PRXL2B: variants seen among roughly 807,000 people sequenced by gnomAD.
PRXL2B encodes the protein peroxiredoxin like 2B.
Under a neutral mutation model 24.4 loss-of-function variants are expected in PRXL2B, and 26 were observed. The ratio of observed to expected loss-of-function variants is 1.07; its 90% CI spans 0.78 to 1.48. PRXL2B has a LOEUF of 1.48. PRXL2B is among the 40% of genes most tolerant of loss of function. The pLI, the probability that PRXL2B is intolerant of heterozygous loss-of-function variation, is 0.00. For missense variants in PRXL2B, 269 were observed against 264.8 expected, an observed-to-expected ratio of 1.02 and a Z score of -0.11; for synonymous variants, 115 against 118.9, an observed-to-expected ratio of 0.97 and a Z score of 0.21.
chr1:2,587,277 G>A lies in PRXL2B; in HGVS notation c.250G>A (p.Gly84Ser), dbSNP rs1009264446. The A allele has an allele frequency of 4.5e-6, 7 of 1,572,228 alleles. No individual in the cohort carries two copies. The highest frequency in any genetic ancestry group is 6.0e-6 in the Non-Finnish European group (7 of 1,165,378). Residue 84 changes from glycine (G) to serine (S), a missense_variant, in exon 2 of 7, where the codon GGC becomes AGC. Gly to Ser is a moderately conservative substitution (Grantham distance 56). Transcript: ENST00000419916. This position sits in a 1 kb window ranked among gnomAD's most constrained non-coding sequence, Gnocchi z 6.1. ...EALGLQEFLDGDYFAGELYLD... is the reference protein window; with the variant it reads ...EALGLQEFLDSDYFAGELYLD... ...CCTGGGTCTGCAGGAGTTCCTGGAC[G>A]GCGACTACTTCGCGGGAGGTGCGTC...
chr1:2,587,882 C>G lies in PRXL2B; in HGVS notation c.320+90C>G. On this transcript the variant is annotated intron_variant, in intron 3 of 6. Transcript: ENST00000419916. The surrounding 1 kb of genome is among the most constrained non-coding windows in gnomAD (Gnocchi z 6.1). ...TGCCACCTCCTCTCCCTGCTGCCCTCTGTGGTGCTGTCCACTCGGGCCTTC... is the reference window on the plus strand; with the variant it reads ...TGCCACCTCCTCTCCCTGCTGCCCTGTGTGGTGCTGTCCACTCGGGCCTTC... 4 of 1,434,248 alleles carry G rather than the reference C, an allele frequency of 2.8e-6. No individual in the cohort carries two copies. Among genetic ancestry groups the G allele is most frequent in the Non-Finnish European group, 3.8e-6 (4 of 1,054,986 alleles). The allele number at this position is 1,434,248 out of a possible 1,614,324, so 88.8% of individuals were successfully genotyped here.
chr1:2,586,963 A>T lies in PRXL2B; in HGVS notation c.63+15A>T. ...TGACCGGGGAGGTGAGGCCGGGTGGACGCAGGGCGGTGGGCGCGTCCCTGG... is the reference window on the plus strand; with the variant it reads ...TGACCGGGGAGGTGAGGCCGGGTGGTCGCAGGGCGGTGGGCGCGTCCCTGG... On this transcript the variant is annotated intron_variant, in intron 1 of 6. Transcript: ENST00000419916. 1 of 1,274,458 alleles carries T rather than the reference A, an allele frequency of 7.8e-7. No homozygotes were observed. Among genetic ancestry groups the T allele is most frequent in the East Asian group, 3.5e-5 (1 of 28,406 alleles). 78.9% of individuals were successfully genotyped at this position (1,274,458 alleles called of 1,614,324 possible). A position where few individuals can be genotyped will look rare whatever the true frequency, so the allele number is the denominator to read the frequency against.
chr1:2,588,483 G>T (rs1193053664), intron 4 of PRXL2B, 30 bp downstream of exon 4: 1 of 1,613,866 alleles, frequency 6.2e-7, no homozygotes, highest in South Asian at 1.1e-5. Context: ...GTACAGGCCG[G>T]GGGGTGGTGG....
intron 3 of PRXL2B, 40 bp from the exon 4 acceptor site, chr1:2,588,350 C>G: frequency 6.2e-7 from 1 of 1,613,996 alleles, no homozygotes; most frequent in Non-Finnish European, 8.5e-7. Flanking sequence ...TGGACCCAGG[C>G]TTCTCCGGAG....
At chr1:2,588,683 G>A in intron 5 of PRXL2B, 58 bp downstream of exon 5, 1 of 1,574,258 alleles carries the variant, frequency 6.4e-7, no homozygotes, top group Non-Finnish European at 8.7e-7. Context: ...TGAACTTGGT[G>A]GCCCAGCCCA....
In PRXL2B at chr1:2,587,319, C is replaced by T. The variant is rs1000675166; in HGVS notation, c.268+24C>T. The T allele has an allele frequency of 1.2e-5, 18 of 1,544,644 alleles. No homozygotes were observed. Among genetic ancestry groups the T allele is most frequent in the Non-Finnish European group, 1.6e-5 (18 of 1,151,250 alleles). ...AGGTGCGTCCTGTTCCCCGCCGCGG[C>T]GGCGCACATACCCTTCCCTAAGCTC... On this transcript the variant is annotated intron_variant, in intron 2 of 6. Transcript: ENST00000419916. This position sits in a 1 kb window ranked among gnomAD's most constrained non-coding sequence, Gnocchi z 6.1.
intron 6 of PRXL2B, 21 bp downstream of exon 6, chr1:2,589,061 G>A (rs6701238): frequency 0.39 from 621,628 of 1,605,500 alleles, 128,314 homozygotes; most frequent in African/African-American, 0.75. Context: ...CCTTGGGGGC[G>A]CTGCCTGCCA....
Position 2,587,233 on chromosome 1 carries a change from T to G in PRXL2B, c.206T>G (p.Val69Gly). Residue 69 changes from valine (V) to glycine (G), a missense_variant, in exon 2 of 7, where the codon GTG becomes GGG. Val to Gly is a moderately radical substitution (Grantham distance 109). Transcript: ENST00000419916. The surrounding 1 kb of genome is among the most constrained non-coding windows in gnomAD (Gnocchi z 6.1). The stretch of plus-strand genomic sequence containing the variant: ...CTGGACCAACACGGCGTGCGCCTGG[T>G]GGGCGTAGGGCCCGAGGCCCTGGGT... ...GLLDQHGVRL[V>G]GVGPEALGLQ... The G allele has an allele frequency of 6.3e-7, 1 of 1,575,716 alleles. No individual in the cohort carries two copies. Among genetic ancestry groups the G allele is most frequent in the East Asian group, 2.3e-5 (1 of 43,134 alleles).
rs192324734 is a variant in PRXL2B, at chr1:2,589,614, C to T, written c.*187C>T. 108 of 765,212 alleles carry T rather than the reference C, an allele frequency of 1.4e-4. No individual in the cohort carries two copies. The highest frequency in any genetic ancestry group is 7.0e-4 in the Middle Eastern group (3 of 4,286). 47.4% of individuals were successfully genotyped at this position (765,212 alleles called of 1,614,324 possible). On this transcript the variant is annotated 3_prime_UTR_variant, in exon 7 of 7. Transcript: ENST00000419916. Reference sequence around the variant, plus strand: ...CACGCACTGCTTCGCAGGCTCCGAGCCCTGCATCCTCCACAGCCCCCGCCT... The same window carrying T: ...CACGCACTGCTTCGCAGGCTCCGAGTCCTGCATCCTCCACAGCCCCCGCCT...
rs1167949152 is a variant in PRXL2B, at chr1:2,589,285, G to A, written c.580-125G>A. On this transcript the variant is annotated intron_variant, in intron 6 of 6. Coordinates refer to ENST00000419916, the MANE Select transcript of PRXL2B (RefSeq NM_152371.5). The stretch of plus-strand genomic sequence containing the variant: ...GTCCTCAGAGGTGGGGGCGACACAT[G>A]GGGTGGCGGGCAGAGAGGCGTGTCC... 3.6e-6 allele frequency: 5 copies of A among 1,400,056 alleles called. No homozygotes were observed. In the African/African-American group the frequency reaches 5.7e-5, roughly 16 times the overall value. 86.7% of individuals were successfully genotyped at this position (1,400,056 alleles called of 1,614,324 possible).
At chr1:2,586,628 C>T, upstream of PRXL2B, 2 of 828,002 alleles carry the variant, frequency 2.4e-6, no homozygotes, top group South Asian at 6.0e-5. Context: ...GGGGCGAATC[C>T]GAGGGGGCGG....
intron 3 of PRXL2B, among the ~76,000 whole-genome samples, chr1:2,588,053 C>A (rs1032556611): frequency 6.6e-6 from 1 of 152,184 alleles, no homozygotes; most frequent in Non-Finnish European, 1.5e-5. Context: ...CGTGGCCCAT[C>A]AGGGGCCATC....
Position 2,588,539 on chromosome 1 carries a change from A to C in PRXL2B, c.385-11A>C. The C allele has an allele frequency of 6.2e-7, 1 of 1,613,786 alleles. No homozygotes were observed. The highest frequency in any genetic ancestry group is 2.2e-5 in the East Asian group (1 of 44,850). ...TCTAGGATTGACTCAGGCTGTACCC[A>C]CTCCTGACAGGCCAAGGCTGTTGGC... On this transcript the variant is annotated splice_polypyrimidine_tract_variant and intron_variant, in intron 4 of 6. Transcript: ENST00000419916.
Position 2,589,541 on chromosome 1 carries a change from C to T in PRXL2B, c.*114C>T. The T allele has an allele frequency of 1.4e-6, 2 of 1,453,482 alleles. No individual in the cohort carries two copies. The highest frequency in any genetic ancestry group is 1.9e-6 in the Non-Finnish European group (2 of 1,056,458). 90.0% of individuals were successfully genotyped at this position (1,453,482 alleles called of 1,614,324 possible). On this transcript the variant is annotated 3_prime_UTR_variant, in exon 7 of 7. Coordinates refer to ENST00000419916, the MANE Select transcript of PRXL2B (RefSeq NM_152371.5). Reference sequence around the variant, plus strand: ...GGCGCTGGGTCGGGATGCCGAACCTCTCCTGATCCGCCGGCAGCAACGAGC... The same window carrying T: ...GGCGCTGGGTCGGGATGCCGAACCTTTCCTGATCCGCCGGCAGCAACGAGC...
In PRXL2B at chr1:2,587,630, AG is replaced by A; in HGVS notation, c.269-108del. ...CCCTGCGGGGGTGGGCTGAGCACGG[AG>A]GGTGGGCAGAGGAACAGAGGGTCGG... On this transcript the variant is annotated intron_variant, in intron 2 of 6. Coordinates refer to ENST00000419916, the MANE Select transcript of PRXL2B (RefSeq NM_152371.5). This position sits in a 1 kb window ranked among gnomAD's most constrained non-coding sequence, Gnocchi z 6.1. 7.8e-7 allele frequency: 1 copy of A among 1,287,290 alleles called. No homozygotes were observed. The highest frequency in any genetic ancestry group is 1.1e-6 in the Non-Finnish European group (1 of 908,790). The allele number at this position is 1,287,290 out of a possible 1,614,324, so 79.7% of individuals were successfully genotyped here.
Position 2,588,418 on chromosome 1 carries a change from G to T in PRXL2B, c.349G>T (p.Ala117Ser), listed in dbSNP as rs1271744172. Residue 117 changes from alanine (A) to serine (S), a missense_variant, in exon 4 of 7, where the codon GCT (alanine) becomes TCT (serine). Physicochemically the swap from Ala to Ser is moderately conservative, Grantham distance 99 (BLOSUM62 1). Coordinates refer to ENST00000419916, the MANE Select transcript of PRXL2B (RefSeq NM_152371.5). ...CAACAGCCTGAGCATCCTCCCAGCA[G>T]CTCTGGGGAAGCCCGTGCGTGATGT... is the stretch of plus-strand genomic sequence containing the variant. ...RYNSLSILPA[A>S]LGKPVRDVAA... The T allele has an allele frequency of 6.2e-7, 1 of 1,614,186 alleles. No individual in the cohort carries two copies. Among genetic ancestry groups the T allele is most frequent in the Admixed American group, 1.7e-5 (1 of 60,028 alleles).
chr1:2,589,512 C>G lies in PRXL2B; in HGVS notation c.*85C>G, dbSNP rs372374836. ...GGAAGTCCACTTGGAAGAACTGTTCCGGAGGCGCTGGGTCGGGATGCCGAA... is the reference window on the plus strand; with the variant it reads ...GGAAGTCCACTTGGAAGAACTGTTCGGGAGGCGCTGGGTCGGGATGCCGAA... On this transcript the variant is annotated 3_prime_UTR_variant, in exon 7 of 7. Transcript: ENST00000419916. 6.7e-5 allele frequency: 107 copies of G among 1,599,638 alleles called. No homozygotes were observed. In the East Asian group the frequency reaches 2.3e-3, roughly 35 times the overall value.
At position 2,587,807 on chromosome 1, in the gene PRXL2B, G is replaced by T; in HGVS notation, c.320+15G>T. 1 of 782,780 alleles carries T rather than the reference G, an allele frequency of 1.3e-6. No individual in the cohort carries two copies. Among genetic ancestry groups the T allele is most frequent in the Non-Finnish European group, 2.0e-6 (1 of 492,352 alleles). 48.5% of individuals were successfully genotyped at this position (782,780 alleles called of 1,614,324 possible). ...GGCTTCAAGCGGTGAGTGGGGGCGG[G>T]AACCCTTGGGTAGCGTGGGGTGGGG... is the stretch of plus-strand genomic sequence containing the variant. On this transcript the variant is annotated intron_variant, in intron 3 of 6. Coordinates refer to ENST00000419916, the MANE Select transcript of PRXL2B (RefSeq NM_152371.5). This position sits in a 1 kb window ranked among gnomAD's most constrained non-coding sequence, Gnocchi z 6.1.
chr1:2,589,871 G>T lies in PRXL2B; in HGVS notation c.*444G>T, dbSNP rs896447551. On this transcript the variant is annotated 3_prime_UTR_variant, in exon 7 of 7. Coordinates refer to ENST00000419916, the MANE Select transcript of PRXL2B (RefSeq NM_152371.5). ...GGGTCAGTGCCTGTGTCTGGTGGGG[G>T]CCACTCAGGAGAGTTGGGTTTTCAG... The T allele has an allele frequency of 5.1e-6, 1 of 195,600 alleles. No homozygotes were observed. Among genetic ancestry groups the T allele is most frequent in the African/African-American group, 2.3e-5 (1 of 42,738 alleles). 12.1% of individuals were successfully genotyped at this position (195,600 alleles called of 1,614,324 possible).
Sources: gnomAD v4.1 joint callset for allele counts (sites outside exome capture counted in the v4.1 genomes callset) on GRCh38, gnomAD v4.1.1 for gene constraint, Gnocchi (gnomAD v3.1) non-coding constraint, MANE v1.5 for transcripts, NCBI Gene and HGNC (gene_info 2026-07-23, HGNC 2026-07-21) for gene names.